Variants in OSBPL10 observed in about 807,000 individuals in gnomAD.
OSBPL10 encodes oxysterol-binding protein-related protein 10.
Under a neutral mutation model 81.7 loss-of-function variants are expected in OSBPL10, and 49 were observed. The observed-to-expected ratio is 0.60, with a 90% CI of 0.48 to 0.76. OSBPL10 has a LOEUF of 0.76. OSBPL10 is among the 30% of genes least tolerant of loss of function. OSBPL10 has a pLI of 0.00. For missense variants in OSBPL10, 923 were observed against 987.8 expected, an observed-to-expected ratio of 0.93 and a Z score of 0.88; for synonymous variants, 419 against 383.6, an observed-to-expected ratio of 1.09 and a Z score of -1.08.
Position 31,676,173 on chromosome 3 carries a change from G to T in OSBPL10, c.1727-5190C>A, listed in dbSNP as rs923360000. Among the ~76,000 whole-genome samples, 5 of 152,152 alleles carry T rather than the reference G, an allele frequency of 3.3e-5. No individual in the cohort carries two copies. The South Asian group carries it at 6.2e-4, about 19-fold the overall frequency. On this transcript the variant is annotated intron_variant, in intron 8 of 11. Transcript: ENST00000396556. ...GAGCTAAACTGATTTGAAGGCACTG[G>T]CAAGACCACATGCCTTTGGCTTGTT...
intron 6 of OSBPL10, among the ~76,000 whole-genome samples, chr3:31,719,780 TATA>T (rs1216914922): frequency 1.3e-5 from 2 of 152,060 alleles, no homozygotes; most frequent in Non-Finnish European, 1.5e-5. Flanking sequence ...GAGGACAATT[TATA>T]ATAATGAAAA....
chr3:32,017,788 G>C (rs1699328675), intron 2 of OSBPL10, among the ~76,000 whole-genome samples: 1 of 152,138 alleles, frequency 6.6e-6, no homozygotes, highest in Non-Finnish European at 1.5e-5. Context: ...AATTCTTTTG[G>C]CTTTAAGTTT....
At chr3:31,917,926 G>C (rs917843067) in intron 1 of OSBPL10, among the ~76,000 whole-genome samples, 1 of 151,796 alleles carries the variant, frequency 6.6e-6, no homozygotes, top group South Asian at 2.1e-4. Flanking sequence ...TTTAAGTGGT[G>C]CTAACAGCCT....
At chr3:31,984,199 C>G (rs1432596453), upstream of OSBPL10, among the ~76,000 whole-genome samples, 4 of 152,096 alleles carry the variant, frequency 2.6e-5, no homozygotes. Flanking sequence ...GCCACCATGC[C>G]CAGCTAATTT....
At chr3:31,926,289 G>GCCCTC (rs1553641092) in intron 1 of OSBPL10, among the ~76,000 whole-genome samples, 3 of 130,198 alleles carry the variant, frequency 2.3e-5, no homozygotes, top group South Asian at 5.4e-4. Context: ...GGGTGATTTT[G>GCCCTC]CCCCCCCAGA....
chr3:31,930,003 C>CAAACAAAAAAAA lies in OSBPL10; in HGVS notation c.282-50174_282-50173insTTTTTTTTGTTT, dbSNP rs1306473764. ...GATCAAGTGAGACCCTGTCACCAAC[C>CAAACAAAAAAAA]AAAAAAAAAAAAAAAAAAAAAAACA... On this transcript the variant is annotated intron_variant, in intron 1 of 11. Transcript: ENST00000396556. Among the ~76,000 whole-genome samples, 17 of 72,570 alleles carry CAAACAAAAAAAA rather than the reference C, an allele frequency of 2.3e-4. 6 individuals are homozygous for CAAACAAAAAAAA. Among genetic ancestry groups the CAAACAAAAAAAA allele is most frequent in the Admixed American group, 5.4e-4 (3 of 5,520 alleles). 47.6% of individuals were successfully genotyped at this position (72,570 alleles called of 152,430 possible).
chr3:31,818,421 ACTT>A (rs1207382037), intron 4 of OSBPL10, among the ~76,000 whole-genome samples: 1 of 152,054 alleles, frequency 6.6e-6, no homozygotes, highest in Non-Finnish European at 1.5e-5. Context: ...CTTAAAACAA[ACTT>A]CTCTCTCTGT....
intron 1 of OSBPL10, among the ~76,000 whole-genome samples, chr3:32,060,987 A>ACG (rs1553652294): frequency 1.3e-5 from 1 of 77,484 alleles, no homozygotes. Context: ...AAAAAAAAAA[A>ACG]AACCCTCAGA....
chr3:31,861,259 C>T (rs1701051508), intron 3 of OSBPL10, among the ~76,000 whole-genome samples: 1 of 152,030 alleles, frequency 6.6e-6, no homozygotes, highest in South Asian at 2.1e-4. Context: ...TTCCATGACC[C>T]TTCTAAGACA....
chr3:31,924,598 T>C lies in OSBPL10; in HGVS notation c.282-44768A>G, dbSNP rs182165666. 2.3e-3 allele frequency among the ~76,000 whole-genome samples: 354 copies of C among 152,276 alleles called. 2 individuals carry two copies. Among genetic ancestry groups the C allele is most frequent in the African/African-American group, 7.9e-3 (327 of 41,560 alleles). ...ATAATTTGGTCCATTCCTGAAACTA[T>C]CTTAATCGGAGTAAAGATATGAAAA... On this transcript the variant is annotated intron_variant, in intron 1 of 11. Coordinates refer to ENST00000396556, the MANE Select transcript of OSBPL10 (RefSeq NM_017784.5).
chr3:32,075,326 T>G (rs1280868236), intron 1 of OSBPL10, among the ~76,000 whole-genome samples: 1 of 152,150 alleles, frequency 6.6e-6, no homozygotes, highest in Non-Finnish European at 1.5e-5. Context: ...GTCTGGTATA[T>G]GACAACATAA....
At chr3:31,706,419 T>C (rs1696066202) in intron 6 of OSBPL10, among the ~76,000 whole-genome samples, 2 of 152,184 alleles carry the variant, frequency 1.3e-5, no homozygotes, top group Non-Finnish European at 2.9e-5. Flanking sequence ...CTCCAGCCTC[T>C]TGAGGACCAA....
At chr3:31,794,459 C>A in intron 4 of OSBPL10, 1 of 196,842 alleles carries the variant, frequency 5.1e-6, no homozygotes, top group Non-Finnish European at 1.1e-5. Context: ...CGGCCTTCCT[C>A]ACATAGTTGA....
At chr3:31,794,448 C>A in intron 4 of OSBPL10, 1 of 179,390 alleles carries the variant, frequency 5.6e-6, no homozygotes. Flanking sequence ...GCCACCGCTC[C>A]CGGCCTTCCT....
At position 32,066,858 on chromosome 3, in the gene OSBPL10, C is replaced by T. The variant is rs111902801; in HGVS notation, n.185+10538G>A. 2.1e-3 allele frequency among the ~76,000 whole-genome samples: 325 copies of T among 152,212 alleles called. 1 individual carries two copies. In the Middle Eastern group the frequency reaches 0.034, roughly 16 times the overall value. On this transcript the variant is annotated intron_variant and non_coding_transcript_variant, in intron 1 of 3. Coordinates refer to the OSBPL10 transcript ENST00000479173. ...TGGACTGAGCTCCTGTGATTGGCCC[C>T]AACAAACCACACCAAAATGGAGTCA...
intron 5 of OSBPL10, among the ~76,000 whole-genome samples, chr3:31,739,969 T>C (rs1178732674): frequency 6.6e-6 from 1 of 152,202 alleles, no homozygotes; most frequent in Non-Finnish European, 1.5e-5. Context: ...TTGACATCCT[T>C]TTGAATTTTG....
intron 1 of OSBPL10, among the ~76,000 whole-genome samples, chr3:31,889,946 TAA>T (rs1695846649): frequency 6.6e-6 from 1 of 152,048 alleles, no homozygotes; most frequent in African/African-American, 2.4e-5. Context: ...TAAAACTTAA[TAA>T]AAATAATGTT....
chr3:31,878,821 G>C (rs1473890553), intron 2 of OSBPL10, among the ~76,000 whole-genome samples: 1 of 75,042 alleles, frequency 1.3e-5, no homozygotes, highest in African/African-American at 3.7e-5. Flanking sequence ...GTCCATGTGT[G>C]TGTGTGTGTG....
intron 1 of OSBPL10, among the ~76,000 whole-genome samples, chr3:31,898,236 T>C (rs149322911): frequency 1.1e-3 from 171 of 152,186 alleles, no homozygotes; most frequent in African/African-American, 4.0e-3. Context: ...TAGTTAGTAA[T>C]AATCCATTAT....
Sources: allele counts gnomAD v4.1 joint callset (sites outside exome capture counted in the v4.1 genomes callset), GRCh38; gene constraint gnomAD v4.1.1; transcripts MANE v1.5; gene names NCBI Gene and HGNC (gene_info 2026-07-23, HGNC 2026-07-21).